The following RTEL1 variants were observed in gnomAD, a reference collection of about 807,000 sequenced individuals.
The protein encoded by RTEL1 is regulator of telomere elongation helicase 1.
RTEL1 carries 86 observed loss-of-function variants against 162.2 expected under a neutral mutation model. That is an observed-to-expected ratio of 0.53 (90% confidence interval 0.45 to 0.63). RTEL1 has a LOEUF of 0.63. Among genes scored for constraint, RTEL1 ranks in the 30% least tolerant of loss-of-function variants. The probability of loss-of-function intolerance (pLI) is 0.00; values close to 1 mark genes in which losing one functional copy is unlikely to be tolerated. For missense variants in RTEL1, 1,941 were observed against 1,750.2 expected, an observed-to-expected ratio of 1.11 and a Z score of -1.95; for synonymous variants, 958 against 717.9, an observed-to-expected ratio of 1.33 and a Z score of -5.35.
In RTEL1 at chr20:63,661,872, G is replaced by A; in HGVS notation, c.324G>A (p.Lys108=). The A allele has an allele frequency of 6.2e-7, 1 of 1,614,088 alleles. No homozygotes were observed. The highest frequency in any genetic ancestry group is 8.5e-7 in the Non-Finnish European group (1 of 1,179,998). The part of the protein sequence containing the change: ...DPIACYTDIP[K]IIYASRTHSQ... ...CAGCTTGCTACACGGACATCCCAAAGATTATTTACGCCTCCAGGACCCACT... is the reference window on the plus strand; with the variant it reads ...CAGCTTGCTACACGGACATCCCAAAAATTATTTACGCCTCCAGGACCCACT... Residue 108 remains lysine (K), a synonymous_variant, in exon 4 of 35, where the codon AAG becomes AAA. Transcript: ENST00000360203. This position sits in a 1 kb window ranked among gnomAD's most constrained non-coding sequence, Gnocchi z 5.1.
At chr20:63,664,147 T>A (rs968976600) in intron 6 of RTEL1, among the ~76,000 whole-genome samples, 1 of 152,164 alleles carries the variant, frequency 6.6e-6, no homozygotes, top group African/African-American at 2.4e-5. Flanking sequence ...TGCCCCCAGG[T>A]TCCCTGACAG....
chr20:63,673,909 C>G (rs1275316177), intron 9 of RTEL1, 31 bp from the exon 10 acceptor site: 1 of 1,592,194 alleles, frequency 6.3e-7, no homozygotes, highest in African/African-American at 1.3e-5. Context: ...CTGTCCTGTT[C>G]TGTGGTGATT....
At chr20:63,688,456 C>T in intron 20 of RTEL1, 70 bp downstream of exon 20, 1 of 1,605,934 alleles carries the variant, frequency 6.2e-7, no homozygotes, top group Non-Finnish European at 8.5e-7. Context: ...GCAGTGGTCA[C>T]AGCTCCTGCT....
rs76875323 is a variant in RTEL1, at chr20:63,681,818, G to A, written c.1191+1099G>A. 6.7e-3 allele frequency: 6,609 copies of A among 985,300 alleles called. 327 individuals carry two copies. The African/African-American group carries it at 0.11, about 16-fold the overall frequency. The allele number at this position is 985,300 out of a possible 1,614,324, so 61.0% of individuals were successfully genotyped here. ...CTTCTCTGTGCGGTAGCTGGGGCTG[G>A]AAGGACAGCACTGCCTTGTCCTCCC... is the stretch of plus-strand genomic sequence containing the variant. On this transcript the variant is annotated intron_variant, in intron 14 of 34. Transcript: ENST00000360203.
chr20:63,681,884 C>T, intron 14 of RTEL1: 1 of 985,408 alleles, frequency 1.0e-6, no homozygotes, highest in Non-Finnish European at 1.2e-6. Context: ...CAGGCCCAGA[C>T]CCCTCTGTCT....
chr20:63,658,566 C>T (rs2146138344), intron 1 of RTEL1, 100 bp downstream of exon 1: 1 of 152,402 alleles, frequency 6.6e-6, no homozygotes, highest in Middle Eastern at 3.4e-3. Flanking sequence ...CCCAAGCCGC[C>T]CTCGGGGCCG....
At chr20:63,681,651 C>T (rs551505928) in intron 14 of RTEL1, 1 of 985,372 alleles carries the variant, frequency 1.0e-6, no homozygotes, top group Non-Finnish European at 1.2e-6. Flanking sequence ...GCAGGCACTG[C>T]CTTCTCCTTC....
Position 63,690,312 on chromosome 20 carries a change from C to T in RTEL1, c.2284C>T (p.Arg762Trp), listed in dbSNP as rs750251447. The change falls in exon 26 of 35, where the codon CGG becomes TGG. Residue 762 changes from arginine to tryptophan, a missense_variant. By Grantham distance (101) the Arg-to-Trp change is moderately radical. Coordinates refer to ENST00000360203, the MANE Select transcript of RTEL1 (RefSeq NM_001283009.2). ...AERTMPAPAP[R>W]ATAPSVRGED... ...TCTGCAGATGCCAGCGCCGGCCCCC[C>T]GGGCTACAGCACCCAGTGTGCGTGG... The T allele has an allele frequency of 5.2e-5, 83 of 1,607,620 alleles. No homozygotes were observed. Among genetic ancestry groups the T allele is most frequent in the South Asian group, 2.6e-4 (24 of 90,848 alleles).
intron 8 of RTEL1, among the ~76,000 whole-genome samples, 188 bp downstream of exon 8, chr20:63,667,741 G>T (rs551749928): frequency 6.6e-6 from 1 of 152,248 alleles, no homozygotes; most frequent in Admixed American, 6.5e-5. Context: ...CAGGCCACAG[G>T]TCAGTTTTCT....
intron 14 of RTEL1, chr20:63,682,758 G>T: frequency 1.1e-6 from 1 of 906,082 alleles, no homozygotes; most frequent in East Asian, 1.2e-4. Context: ...CCAGGAAGAG[G>T]ATGTGGGATG....
rs2146149487 is a variant in RTEL1 at position 63,661,560 on chromosome 20, A to G, written c.301+64A>G. 6.7e-7 allele frequency: 1 copy of G among 1,489,594 alleles called. No homozygotes were observed. The highest frequency in any genetic ancestry group is 9.1e-7 in the Non-Finnish European group (1 of 1,097,468). The allele number at this position is 1,489,594 out of a possible 1,614,324, so 92.3% of individuals were successfully genotyped here. ...GGATGGTTGGCAAGGGATGGCGCTGAGGGTGGGGTGGGCCCATGGGGACTC... is the reference window on the plus strand; with the variant it reads ...GGATGGTTGGCAAGGGATGGCGCTGGGGGTGGGGTGGGCCCATGGGGACTC... On this transcript the variant is annotated intron_variant, in intron 3 of 34. Transcript: ENST00000360203. The surrounding 1 kb of genome is among the most constrained non-coding windows in gnomAD (Gnocchi z 5.1).
At chr20:63,667,290 T>C (rs538263072) in intron 7 of RTEL1, among the ~76,000 whole-genome samples, 179 bp from the exon 8 acceptor site, 1 of 151,718 alleles carries the variant, frequency 6.6e-6, no homozygotes, top group Non-Finnish European at 1.5e-5. Flanking sequence ...GAAACTCACA[T>C]GGACTCCCCA....
intron 27 of RTEL1, 100 bp from the exon 28 acceptor site, chr20:63,691,642 A>C (rs2090747197): frequency 9.7e-7 from 1 of 1,028,912 alleles, no homozygotes; most frequent in Non-Finnish European, 1.5e-6. Context: ...ATCTTGGCTC[A>C]GGGCTCCTTG....
chr20:63,689,876 T>C lies in RTEL1; in HGVS notation c.2141+11T>C. On this transcript the variant is annotated intron_variant, in intron 24 of 34. Coordinates refer to ENST00000360203, the MANE Select transcript of RTEL1 (RefSeq NM_001283009.2). ...CCTCTGTGACCACAGGTGCGTGCAG[T>C]CCGGTGGCAGGCGCGGCGCCAGGGG... 1 of 1,601,050 alleles carries C rather than the reference T, an allele frequency of 6.2e-7. No homozygotes were observed. Among genetic ancestry groups the C allele is most frequent in the Non-Finnish European group, 8.5e-7 (1 of 1,175,432 alleles).
At chr20:63,687,238 AC>A (rs2090616066) in intron 16 of RTEL1, 1 of 190,312 alleles carries the variant, frequency 5.3e-6, no homozygotes, top group Non-Finnish European at 1.1e-5. Context: ...GGGAACTCGC[AC>A]CCCGTCTTCT....
chr20:63,675,506 A>G (rs941899718), intron 10 of RTEL1, among the ~76,000 whole-genome samples: 1 of 107,214 alleles, frequency 9.3e-6, no homozygotes, highest in Non-Finnish European at 1.8e-5. Flanking sequence ...ATCCCTTTAT[A>G]TATATATATA....
Position 63,667,456 on chromosome 20 carries a change from C to T in RTEL1, c.615-13C>T, listed in dbSNP as rs189504124. On this transcript the variant is annotated splice_polypyrimidine_tract_variant and intron_variant, in intron 7 of 34. Coordinates refer to ENST00000360203, the MANE Select transcript of RTEL1 (RefSeq NM_001283009.2). ...TGGGGTGCTCACAGGATCTTCTCCT[C>T]TCTCCTTCCCAGGGTGTGCCCTTAC... The T allele has an allele frequency of 9.9e-6, 16 of 1,609,442 alleles. No individual in the cohort carries two copies. The East Asian group carries it at 3.3e-4, about 34-fold the overall frequency.
At chr20:63,689,195 T>G in intron 22 of RTEL1, 63 bp downstream of exon 22, 3 of 1,480,636 alleles carry the variant, frequency 2.0e-6, no homozygotes, top group Non-Finnish European at 2.8e-6. Context: ...TGCTTATGGC[T>G]CCCCAGCAGA....
rs751194471 is a variant in RTEL1, at chr20:63,693,288, A to G, written c.2992+5A>G. On this transcript the variant is annotated splice_donor_5th_base_variant and intron_variant, in intron 30 of 34. Coordinates refer to ENST00000360203, the MANE Select transcript of RTEL1 (RefSeq NM_001283009.2). The stretch of plus-strand genomic sequence containing the variant: ...AGCCGGTCCTGGACCCCACTGGTAA[A>G]TGGGGCCCCAGGTGGGACCCTCAGA... The G allele has an allele frequency of 4.3e-6, 7 of 1,611,420 alleles. No homozygotes were observed. The highest frequency in any genetic ancestry group is 5.9e-6 in the Non-Finnish European group (7 of 1,179,268).
Sources: allele counts gnomAD v4.1 joint callset (sites outside exome capture counted in the v4.1 genomes callset), GRCh38; gene constraint gnomAD v4.1.1; non-coding constraint Gnocchi (gnomAD v3.1); transcripts MANE v1.5; gene names NCBI Gene and HGNC (gene_info 2026-07-23, HGNC 2026-07-21).